FGF14: variants seen among roughly 807,000 people sequenced by gnomAD.
FGF14 encodes the protein fibroblast growth factor 14, also known as fibroblast growth factor homologous factor 4.
Under a neutral mutation model 25.5 loss-of-function variants are expected in FGF14, and 5 were observed. The observed-to-expected ratio is 0.20, with a 90% confidence interval of 0.10 to 0.41. FGF14 has a LOEUF of 0.41. FGF14 is among the 10% of genes least tolerant of loss of function. The probability of loss-of-function intolerance (pLI) is 1.00; values close to 1 mark genes in which losing one functional copy is unlikely to be tolerated. For synonymous variants in FGF14, 138 were observed against 118.3 expected (o/e 1.17, Z -1.08); for missense variants, 222 against 320.1 (o/e 0.69, Z 2.34).
At chr13:101,861,545 ACT>A in intron 3 of FGF14, among the ~76,000 whole-genome samples, 1 of 141,990 alleles carries the variant, frequency 7.0e-6, no homozygotes, top group Admixed American at 7.0e-5. Flanking sequence ...AGTTGCAGAC[ACT>A]AGTGTCTGCA....
chr13:102,253,808 C>T (rs1303835333), intron 1 of FGF14, among the ~76,000 whole-genome samples: 1 of 152,154 alleles, frequency 6.6e-6, no homozygotes, highest in African/African-American at 2.4e-5. Context: ...GGTGAAAGAA[C>T]TGTAAACTGT....
At chr13:101,958,338 T>G (rs1281869091) in intron 1 of FGF14, among the ~76,000 whole-genome samples, 1 of 152,242 alleles carries the variant, frequency 6.6e-6, no homozygotes, top group Non-Finnish European at 1.5e-5. Flanking sequence ...ATGTTAAGCA[T>G]GTAGGAGTGC....
rs1190680014 is a variant in FGF14 at position 102,326,688 on chromosome 13, GGGAAGGGAAGGAAGGAAGGAAGGAAGGAA to G, written c.208+74754_208+74782del. 4.5e-4 allele frequency among the ~76,000 whole-genome samples: 26 copies of G among 58,360 alleles called. 1 individual carries two copies. In the East Asian group the frequency reaches 5.6e-3, roughly 13 times the overall value. 38.3% of individuals were successfully genotyped at this position (58,360 alleles called of 152,430 possible). ...GGGAGGGGAAGGGAAGGGAAGGGAA[GGGAAGGGAAGGAAGGAAGGAAGGAAGGAA>G]GGAAGGAAGGAAGGAAGGAAGGAAG... On this transcript the variant is annotated intron_variant, in intron 1 of 4. Transcript: ENST00000376131.
chr13:102,015,198 G>T (rs191435615), intron 1 of FGF14, among the ~76,000 whole-genome samples: 1 of 152,272 alleles, frequency 6.6e-6, no homozygotes, highest in East Asian at 1.9e-4. Context: ...GTGAGCCACC[G>T]TGCTCAGCCT....
At chr13:101,765,052 C>T (rs771031922) in intron 3 of FGF14, among the ~76,000 whole-genome samples, 1 of 152,154 alleles carries the variant, frequency 6.6e-6, no homozygotes, top group Non-Finnish European at 1.5e-5. Flanking sequence ...AAGGAGCTCT[C>T]CTTGTCCCAT....
At chr13:101,923,165 C>T (rs1030588566) in intron 1 of FGF14, among the ~76,000 whole-genome samples, 2 of 151,966 alleles carry the variant, frequency 1.3e-5, no homozygotes, top group Admixed American at 6.6e-5. Flanking sequence ...TAAAATATGA[C>T]GTGTACTTGA....
chr13:102,355,505 T>G (rs1169486637), intron 1 of FGF14, among the ~76,000 whole-genome samples: 1 of 150,874 alleles, frequency 6.6e-6, no homozygotes, highest in African/African-American at 2.4e-5. Flanking sequence ...GGCTGGAAGT[T>G]TGCAGCTTTG....
intron 3 of FGF14, among the ~76,000 whole-genome samples, chr13:101,775,618 C>T (rs917323850): frequency 1.3e-5 from 2 of 151,974 alleles, no homozygotes; most frequent in Non-Finnish European, 2.9e-5. Flanking sequence ...GAGTTATTTC[C>T]CTGTCCCTGT....
chr13:102,057,911 A>C (rs2042507805), intron 1 of FGF14, among the ~76,000 whole-genome samples: 1 of 152,206 alleles, frequency 6.6e-6, no homozygotes, highest in Admixed American at 6.5e-5. Context: ...ACTTTCCATC[A>C]CTAAGCATAC....
intron 1 of FGF14, among the ~76,000 whole-genome samples, chr13:102,347,045 A>AT (rs2057129458): frequency 6.6e-6 from 1 of 152,198 alleles, no homozygotes; most frequent in Non-Finnish European, 1.5e-5. Flanking sequence ...CCCATGTCCT[A>AT]TCAAGAAAAG....
chr13:102,212,466 T>TC (rs1034753406), intron 1 of FGF14, among the ~76,000 whole-genome samples: 9 of 152,128 alleles, frequency 5.9e-5, no homozygotes, highest in African/African-American at 2.2e-4. Context: ...GGCACAGTGC[T>TC]CCCTGGGCAG....
intron 1 of FGF14, among the ~76,000 whole-genome samples, chr13:101,948,365 G>A (rs570204702): frequency 1.3e-5 from 2 of 151,770 alleles, no homozygotes; most frequent in East Asian, 1.9e-4. Context: ...AGAGAAAGAG[G>A]GAGATAGAAG....
At chr13:102,342,752 C>T (rs140864280) in intron 1 of FGF14, among the ~76,000 whole-genome samples, 260 of 152,178 alleles carry the variant, frequency 1.7e-3, no homozygotes, top group African/African-American at 5.9e-3. Context: ...ATGCTTCCTA[C>T]AAAATTCTAA....
chr13:101,807,384 A>G (rs2041261366), intron 3 of FGF14, among the ~76,000 whole-genome samples: 1 of 152,124 alleles, frequency 6.6e-6, no homozygotes, highest in Admixed American at 6.6e-5. Flanking sequence ...CAATGGCCCT[A>G]TAACATTATA....
chr13:102,205,736 A>AC (rs1038610489), intron 1 of FGF14, among the ~76,000 whole-genome samples: 1 of 119,450 alleles, frequency 8.4e-6, no homozygotes, highest in African/African-American at 4.0e-5. Context: ...AGGTTGAGAG[A>AC]CAAAAAAAAA....
intron 3 of FGF14, among the ~76,000 whole-genome samples, chr13:101,859,305 C>G (rs919034056): frequency 6.6e-6 from 1 of 152,136 alleles, no homozygotes; most frequent in Non-Finnish European, 1.5e-5. Context: ...TTCATGGAAT[C>G]ACAGATTCTG....
intron 1 of FGF14, among the ~76,000 whole-genome samples, chr13:102,128,291 C>T (rs1222358431): frequency 1.5e-5 from 2 of 132,272 alleles, no homozygotes; most frequent in Admixed American, 1.5e-4. Context: ...AATATCATTA[C>T]TTTTATCATT....
chr13:101,844,399 T>C (rs1162609799), intron 3 of FGF14, among the ~76,000 whole-genome samples: 1 of 152,072 alleles, frequency 6.6e-6, no homozygotes, highest in Admixed American at 6.6e-5. Context: ...TCCATAGAAA[T>C]CTTTCAGCTT....
chr13:102,028,909 T>G (rs1419338631), intron 1 of FGF14, among the ~76,000 whole-genome samples: 1 of 152,094 alleles, frequency 6.6e-6, no homozygotes, highest in Non-Finnish European at 1.5e-5. Context: ...CAAGTCTACC[T>G]GCCTTGCTAT....
Sources: gnomAD v4.1 joint callset for allele counts (sites outside exome capture counted in the v4.1 genomes callset) on GRCh38, gnomAD v4.1.1 for gene constraint, MANE v1.5 for transcripts, NCBI Gene and HGNC (gene_info 2026-07-23, HGNC 2026-07-21) for gene names.